The following PYROXD2 variants were observed in gnomAD, a reference collection of about 807,000 sequenced individuals.
PYROXD2 encodes pyridine nucleotide-disulphide oxidoreductase domain 2.
PYROXD2 carries 69 observed loss-of-function variants against 71.1 expected under a neutral mutation model. The observed-to-expected ratio is 0.97, with a 90% confidence interval of 0.80 to 1.19. The LOEUF is 1.19. Among genes scored for constraint, PYROXD2 ranks in the 50% most tolerant of loss-of-function variants. The pLI is 0.00. For missense variants in PYROXD2, 745 were observed against 748.9 expected, an observed-to-expected ratio of 0.99 and a Z score of 0.06; for synonymous variants, 287 against 302.7, an observed-to-expected ratio of 0.95 and a Z score of 0.54.
At chr10:98,408,345 C>A (rs942808) in intron 2 of PYROXD2, among the ~76,000 whole-genome samples, 52,555 of 152,096 alleles carry the variant, frequency 0.35, 9,867 homozygotes, top group South Asian at 0.49. Context: ...GGCAGGGAGC[C>A]AGCCTCATTT....
Position 98,407,570 on chromosome 10 carries a change from G to T in PYROXD2, c.315+12C>A, listed in dbSNP as rs780018362. 1.9e-6 allele frequency: 3 copies of T among 1,613,254 alleles called. No homozygotes were observed. The highest frequency in any genetic ancestry group is 1.3e-5 in the African/African-American group (1 of 74,906). On this transcript the variant is annotated intron_variant, in intron 4 of 15. Transcript: ENST00000370575. ...CTCCCTCCGTGCAATCGGGCCGGCGGGGGGGCCCTACCTTCAGCTCCAGAT... is the reference window on the plus strand; with the variant it reads ...CTCCCTCCGTGCAATCGGGCCGGCGTGGGGGCCCTACCTTCAGCTCCAGAT...
At chr10:98,407,520 C>T in intron 4 of PYROXD2, 62 bp downstream of exon 4, 1 of 1,596,546 alleles carries the variant, frequency 6.3e-7, no homozygotes, top group African/African-American at 1.3e-5. Flanking sequence ...ACCCCCCACA[C>T]AGGTTGGGAA....
intron 15 of PYROXD2, among the ~76,000 whole-genome samples, chr10:98,384,745 G>A (rs1486135561): frequency 6.6e-6 from 1 of 152,234 alleles, no homozygotes; most frequent in African/African-American, 2.4e-5. Context: ...TCAACTGTGG[G>A]CTGTGGTCAG....
chr10:98,383,932 C>T (rs1044799532), intron 15 of PYROXD2, 64 bp from the exon 16 acceptor site: 2 of 1,415,046 alleles, frequency 1.4e-6, no homozygotes, highest in Non-Finnish European at 2.0e-6. Flanking sequence ...GGGGTGGGGA[C>T]AGGGCTTACA....
chr10:98,414,367 G>A (rs1843901441), intron 1 of PYROXD2: 1 of 151,916 alleles, frequency 6.6e-6, no homozygotes, highest in Admixed American at 6.6e-5. Context: ...CTAGCACCCA[G>A]TAGACTGTGA....
At position 98,383,866 on chromosome 10, in the gene PYROXD2, C is replaced by T. The variant is rs765576092; in HGVS notation, c.1678G>A (p.Gly560Arg). The change falls in exon 16 of 16, where the codon GGA becomes AGA. Residue 560 changes from glycine to arginine, a missense_variant and splice_region_variant. Coordinates refer to ENST00000370575, the MANE Select transcript of PYROXD2 (RefSeq NM_032709.3). ...YLCGSGAHPG[G>R]GVMGAAGRNA... The stretch of plus-strand genomic sequence containing the variant: ...CGCCCAGCAGCTCCCATCACACCTC[C>T]TCCTGGAAGGGAATCTCCTATGAAC... 6.8e-6 allele frequency: 11 copies of T among 1,613,992 alleles called. No individual in the cohort carries two copies. In the South Asian group the frequency reaches 1.2e-4, roughly 18 times the overall value.
At chr10:98,383,997 CACTGGAATCACCTAAG>C (rs1842669911) in intron 15 of PYROXD2, 129 bp from the exon 16 acceptor site, 12 of 767,314 alleles carry the variant, frequency 1.6e-5, no homozygotes, top group South Asian at 1.5e-4. Context: ...GGGGCATGGG[CACTGGAATCACCTAAG>C]ACAGCCGCTC....
chr10:98,390,864 G>T, intron 11 of PYROXD2, 110 bp from the exon 12 acceptor site: 1 of 1,436,562 alleles, frequency 7.0e-7, no homozygotes, highest in Non-Finnish European at 9.6e-7. Flanking sequence ...ATGAGCAAGT[G>T]TTTCACCTTC....
rs765870467 is a variant in PYROXD2 at position 98,397,416 on chromosome 10, G to A, written c.554C>T (p.Ala185Val). 6.1e-5 allele frequency: 98 copies of A among 1,613,138 alleles called. 1 individual carries two copies. Among genetic ancestry groups the A allele is most frequent in the South Asian group, 4.3e-4 (39 of 90,938 alleles). ...CAGCAAGGAGCCATGCTGGAAGGCCGCCATGTCCACGGGGGCCGCATCCAG... is the reference window on the plus strand; with the variant it reads ...CAGCAAGGAGCCATGCTGGAAGGCCACCATGTCCACGGGGGCCGCATCCAG... Reference protein sequence around the residue: ...PLLDAAPVDMAAFQHGSLLQR... With the variant: ...PLLDAAPVDMVAFQHGSLLQR... The change falls in exon 6 of 16, where the codon GCG becomes GTG. Residue 185 changes from alanine (A) to valine (V), a missense_variant. Physicochemically the swap from Ala to Val is moderately conservative, Grantham distance 64. Coordinates refer to ENST00000370575, the MANE Select transcript of PYROXD2 (RefSeq NM_032709.3).
intron 2 of PYROXD2, among the ~76,000 whole-genome samples, chr10:98,408,335 G>C (rs1843681092): frequency 6.6e-6 from 1 of 152,206 alleles, no homozygotes; most frequent in African/African-American, 2.4e-5. Context: ...CTCTCCTCCA[G>C]GCAGGGAGCC....
At chr10:98,407,182 C>G (rs999386770) in intron 4 of PYROXD2, among the ~76,000 whole-genome samples, 1 of 152,120 alleles carries the variant, frequency 6.6e-6, no homozygotes, top group Non-Finnish European at 1.5e-5. Context: ...AGAAAAGTCC[C>G]CAGGCCCCAC....
chr10:98,390,399 T>A (rs1283119954), intron 12 of PYROXD2, among the ~76,000 whole-genome samples, 199 bp downstream of exon 12: 1 of 152,156 alleles, frequency 6.6e-6, no homozygotes, highest in Non-Finnish European at 1.5e-5. Flanking sequence ...GAGCCGCTCT[T>A]CACCCCTTAC....
At chr10:98,409,297 C>G (rs2136029639) in intron 2 of PYROXD2, among the ~76,000 whole-genome samples, 1 of 152,324 alleles carries the variant, frequency 6.6e-6, no homozygotes, top group East Asian at 1.9e-4. Context: ...GCACACTCGT[C>G]TCTCCTCCCT....
chr10:98,392,822 C>T (rs1323457820), intron 9 of PYROXD2, 120 bp downstream of exon 9: 2 of 1,252,196 alleles, frequency 1.6e-6, no homozygotes, highest in African/African-American at 1.5e-5. Flanking sequence ...CTTGATTCTG[C>T]AACCCATCCC....
intron 1 of PYROXD2, chr10:98,414,045 TGTAC>T (rs917712876): frequency 2.0e-5 from 3 of 151,992 alleles, no homozygotes; most frequent in African/African-American, 7.3e-5. Context: ...TGTATATATA[TGTAC>T]GTAACACATA....
chr10:98,390,741 C>T lies in PYROXD2; in HGVS notation c.1149G>A (p.Arg383=). Residue 383 remains arginine (R), a synonymous_variant, in exon 12 of 16, where the codon AGG becomes AGA. Transcript: ENST00000370575. ...PVTKINVAVD[R]LPSFLAAPNA... ...TGGGGGCCGCCAGGAAGCTGGGCAG[C>T]CTGTCTACGGCCACTGAGGGACCAA... 1 of 1,599,164 alleles carries T rather than the reference C, an allele frequency of 6.3e-7. No homozygotes were observed. Among genetic ancestry groups the T allele is most frequent in the Non-Finnish European group, 8.5e-7 (1 of 1,172,586 alleles).
chr10:98,409,558 G>C (rs748704041), intron 2 of PYROXD2, among the ~76,000 whole-genome samples: 1 of 152,216 alleles, frequency 6.6e-6, no homozygotes, highest in Non-Finnish European at 1.5e-5. Flanking sequence ...TTTGGGTGAA[G>C]GGCTGTGGAT....
At chr10:98,398,067 G>C (rs2135978973) in intron 5 of PYROXD2, among the ~76,000 whole-genome samples, 1 of 152,054 alleles carries the variant, frequency 6.6e-6, no homozygotes, top group East Asian at 1.9e-4. Flanking sequence ...ATTTTTAGTA[G>C]AGACGGAGTT....
At chr10:98,390,937 C>A in intron 11 of PYROXD2, 73 bp downstream of exon 11, 1 of 1,382,452 alleles carries the variant, frequency 7.2e-7, no homozygotes, top group South Asian at 1.2e-5. Flanking sequence ...CTGAGTTCAG[C>A]TGCCCCCAGC....
Sources: allele counts gnomAD v4.1 joint callset (sites outside exome capture counted in the v4.1 genomes callset), GRCh38; gene constraint gnomAD v4.1.1; transcripts MANE v1.5; gene names NCBI Gene and HGNC (gene_info 2026-07-23, HGNC 2026-07-21).